Variants in KHDRBS2 observed in about 807,000 individuals in gnomAD.
KHDRBS2 encodes KH domain-containing, RNA-binding, signal transduction-associated protein 2.
In KHDRBS2, 26 loss-of-function variants were observed where a neutral mutation model predicts 44.3. The observed-to-expected ratio is 0.59, with a 90% CI of 0.43 to 0.81. KHDRBS2 has a LOEUF of 0.81. Ranked by LOEUF, KHDRBS2 falls within the 40% of genes least tolerant of loss-of-function variation. The probability of loss-of-function intolerance (pLI) is 0.00; values close to 1 mark genes in which losing one functional copy is unlikely to be tolerated. For synonymous variants in KHDRBS2, 194 were observed against 151.1 expected, an observed-to-expected ratio of 1.28 and a Z score of -2.08; for missense variants, 476 against 433.1, an observed-to-expected ratio of 1.10 and a Z score of -0.88.
intron 2 of KHDRBS2, among the ~76,000 whole-genome samples, chr6:62,097,204 A>C (rs1433959753): frequency 6.6e-6 from 1 of 151,756 alleles, no homozygotes; most frequent in Non-Finnish European, 1.5e-5. Flanking sequence ...CGTATTCTGA[A>C]GCTGTTGAGT....
intron 1 of KHDRBS2, among the ~76,000 whole-genome samples, chr6:62,238,248 T>C (rs1302020240): frequency 6.6e-6 from 1 of 152,138 alleles, no homozygotes; most frequent in Admixed American, 6.6e-5. Context: ...TGTACAGGGT[T>C]GTCATTTAGT....
chr6:61,670,899 C>A, the KHDRBS2 span, among the ~76,000 whole-genome samples: 52,052 of 151,328 alleles, frequency 0.34, 10,052 homozygotes, highest in East Asian at 0.49. Flanking sequence ...ACTCAATAAA[C>A]ATTTCTCATT....
chr6:62,124,251 A>G (rs1808423228), intron 2 of KHDRBS2, among the ~76,000 whole-genome samples: 1 of 152,180 alleles, frequency 6.6e-6, no homozygotes, highest in Admixed American at 6.5e-5. Flanking sequence ...AATCCTGAGT[A>G]CCAATTTCAA....
the KHDRBS2 span, among the ~76,000 whole-genome samples, chr6:61,556,266 T>C: frequency 6.6e-6 from 1 of 152,176 alleles, no homozygotes; most frequent in Non-Finnish European, 1.5e-5. Context: ...CTGGTGGCCA[T>C]GCGTGCATTC....
intron 6 of KHDRBS2, among the ~76,000 whole-genome samples, chr6:61,770,300 C>T (rs1780660950): frequency 6.6e-6 from 1 of 152,214 alleles, no homozygotes; most frequent in Non-Finnish European, 1.5e-5. Flanking sequence ...CAAAGGAAGG[C>T]AGCTCTTCAC....
At chr6:62,257,409 T>C (rs556763974) in intron 1 of KHDRBS2, among the ~76,000 whole-genome samples, 1 of 152,204 alleles carries the variant, frequency 6.6e-6, no homozygotes, top group East Asian at 1.9e-4. Flanking sequence ...ATTAAAACTA[T>C]CAAACTCAAA....
At chr6:62,077,161 G>T (rs1796510506) in intron 2 of KHDRBS2, among the ~76,000 whole-genome samples, 1 of 151,996 alleles carries the variant, frequency 6.6e-6, no homozygotes, top group Non-Finnish European at 1.5e-5. Flanking sequence ...GAAAAATGCT[G>T]CATTTGACAA....
At chr6:61,887,792 T>C (rs1454293118) in intron 6 of KHDRBS2, among the ~76,000 whole-genome samples, 1 of 152,202 alleles carries the variant, frequency 6.6e-6, no homozygotes, top group African/African-American at 2.4e-5. Flanking sequence ...TATTTTGTTA[T>C]TGAAACACTT....
intron 6 of KHDRBS2, among the ~76,000 whole-genome samples, chr6:61,803,743 C>T (rs1368575985): frequency 6.6e-6 from 1 of 152,086 alleles, no homozygotes; most frequent in Non-Finnish European, 1.5e-5. Flanking sequence ...ACAATCATGG[C>T]AAATGGCACT....
chr6:62,013,185 G>A (rs1475797534), intron 3 of KHDRBS2, among the ~76,000 whole-genome samples: 1 of 152,090 alleles, frequency 6.6e-6, no homozygotes, highest in Non-Finnish European at 1.5e-5. Context: ...TTAATCAGTT[G>A]GAAAGTTATG....
the KHDRBS2 span, among the ~76,000 whole-genome samples, chr6:61,637,918 T>C: frequency 2.0e-5 from 3 of 152,122 alleles, no homozygotes; most frequent in Non-Finnish European, 4.4e-5. Context: ...GAGTTCATTG[T>C]AGATTCTGGA....
intron 2 of KHDRBS2, among the ~76,000 whole-genome samples, chr6:62,156,758 G>A (rs1157508634): frequency 2.0e-5 from 3 of 151,712 alleles, no homozygotes; most frequent in Non-Finnish European, 2.9e-5. Context: ...TGCAAGCTCC[G>A]CCTCCCGGGT....
At chr6:61,578,051 T>C in the KHDRBS2 span, among the ~76,000 whole-genome samples, 1 of 152,114 alleles carries the variant, frequency 6.6e-6, no homozygotes, top group South Asian at 2.1e-4. Flanking sequence ...AAATCTCATG[T>C]CTTGAAGGTA....
At chr6:61,566,355 A>T in the KHDRBS2 span, among the ~76,000 whole-genome samples, 3 of 152,274 alleles carry the variant, frequency 2.0e-5, no homozygotes, top group East Asian at 5.8e-4. Context: ...GTTAACAATA[A>T]TGCATAATGT....
the KHDRBS2 span, among the ~76,000 whole-genome samples, chr6:61,602,008 C>T: frequency 1.2e-4 from 19 of 152,136 alleles, no homozygotes; most frequent in African/African-American, 4.1e-4. Context: ...TATAAAAACC[C>T]AGCCCAGGTC....
At chr6:62,018,639 C>T (rs1781700863) in intron 3 of KHDRBS2, among the ~76,000 whole-genome samples, 1 of 152,152 alleles carries the variant, frequency 6.6e-6, no homozygotes, top group South Asian at 2.1e-4. Context: ...GCCACCGCGC[C>T]CGGCCCAATA....
At chr6:62,122,982 T>C (rs1808055756) in intron 2 of KHDRBS2, among the ~76,000 whole-genome samples, 1 of 152,154 alleles carries the variant, frequency 6.6e-6, no homozygotes, top group Admixed American at 6.5e-5. Flanking sequence ...ACGTGTGCCA[T>C]GTTGGTTTGC....
At chr6:62,228,182 T>C (rs560481564) in intron 1 of KHDRBS2, among the ~76,000 whole-genome samples, 1 of 152,340 alleles carries the variant, frequency 6.6e-6, no homozygotes, top group African/African-American at 2.4e-5. Flanking sequence ...AGGCTATGAA[T>C]TACTGCCTCA....
At chr6:62,125,107 C>A (rs1357104805) in intron 2 of KHDRBS2, among the ~76,000 whole-genome samples, 4 of 152,114 alleles carry the variant, frequency 2.6e-5, no homozygotes, top group Non-Finnish European at 4.4e-5. Flanking sequence ...GAAAGAGGCA[C>A]TGAAGAGGGT....
Sources: allele counts gnomAD v4.1 joint callset (sites outside exome capture counted in the v4.1 genomes callset), GRCh38; gene constraint gnomAD v4.1.1; transcripts MANE v1.5; gene names NCBI Gene and HGNC (gene_info 2026-07-23, HGNC 2026-07-21).